BCL9: variants seen among roughly 807,000 people sequenced by gnomAD.
BCL9 encodes the protein BCL9 transcription coactivator.
BCL9 carries 25 observed loss-of-function variants against 88.5 expected under a neutral mutation model. The ratio of observed to expected loss-of-function variants is 0.28; its 90% CI spans 0.21 to 0.39. The LOEUF (loss-of-function observed/expected upper bound fraction) is 0.39, where lower values mean the gene tolerates loss of function less well. Ranked by LOEUF, BCL9 falls within the 10% of genes least tolerant of loss-of-function variation. The pLI is 1.00. For missense variants in BCL9, 1,817 were observed against 1,877.8 expected, an observed-to-expected ratio of 0.97 and a Z score of 0.60; for synonymous variants, 711 against 673.3, an observed-to-expected ratio of 1.06 and a Z score of -0.87.
At chr1:147,593,251 T>C (rs587726448) in intron 1 of BCL9, among the ~76,000 whole-genome samples, 1 of 152,336 alleles carries the variant, frequency 6.6e-6, no homozygotes, top group South Asian at 2.1e-4. Context: ...GTCTTCTCCC[T>C]CAAATAATGT....
intron 4 of BCL9, among the ~76,000 whole-genome samples, chr1:147,612,172 C>T (rs1553202701): frequency 1.3e-5 from 2 of 152,192 alleles, no homozygotes; most frequent in Non-Finnish European, 2.9e-5. Context: ...AGAGACCAAC[C>T]AGTACAGTTT....
At chr1:147,561,142 T>C (rs587602418) in intron 1 of BCL9, among the ~76,000 whole-genome samples, 1 of 152,358 alleles carries the variant, frequency 6.6e-6, no homozygotes, top group African/African-American at 2.4e-5. Flanking sequence ...TTAGTCTTTC[T>C]GGAATGCTAA....
intron 3 of BCL9, among the ~76,000 whole-genome samples, chr1:147,607,280 G>T (rs1657767051): frequency 6.6e-6 from 1 of 152,140 alleles, no homozygotes. Context: ...TGTAAATAAT[G>T]CTGCAGTGAA....
intron 1 of BCL9, among the ~76,000 whole-genome samples, chr1:147,567,440 C>A (rs1655658891): frequency 1.3e-5 from 2 of 152,114 alleles, no homozygotes; most frequent in African/African-American, 2.4e-5. Context: ...CCAAAATATT[C>A]TATTTGAGTC....
In BCL9 at chr1:147,619,991, C is replaced by T; in HGVS notation, c.1836C>T (p.Phe612=). ...ATTTTCCTCCTGGCCAGGGCATTTT[C>T]AGCGGTCCTGGCCGAGGGGAACGCT... ...GRNFPPGQGI[F]SGPGRGERFP... Residue 612 remains phenylalanine (F), a synonymous_variant, in exon 8 of 10, where the codon TTC becomes TTT. Coordinates refer to ENST00000234739, the MANE Select transcript of BCL9 (RefSeq NM_004326.4). The surrounding 1 kb of genome is among the most constrained non-coding windows in gnomAD (Gnocchi z 4.1). 8 of 1,614,080 alleles carry T rather than the reference C, an allele frequency of 5.0e-6. No individual in the cohort carries two copies. The highest frequency in any genetic ancestry group is 6.8e-6 in the Non-Finnish European group (8 of 1,179,912).
chr1:147,582,046 A>G (rs1207159610), intron 1 of BCL9, among the ~76,000 whole-genome samples: 2 of 151,880 alleles, frequency 1.3e-5, no homozygotes, highest in African/African-American at 4.8e-5. Flanking sequence ...TTCACATTTT[A>G]TTGCATTTTC....
At chr1:147,567,647 A>G (rs1458493411) in intron 1 of BCL9, among the ~76,000 whole-genome samples, 3 of 152,222 alleles carry the variant, frequency 2.0e-5, no homozygotes, top group Non-Finnish European at 4.4e-5. Context: ...CTGACCCTCA[A>G]TGAGAATAAT....
At chr1:147,558,435 G>A (rs1446800207) in intron 1 of BCL9, among the ~76,000 whole-genome samples, 1 of 152,148 alleles carries the variant, frequency 6.6e-6, no homozygotes, top group African/African-American at 2.4e-5. Flanking sequence ...GTCAATGGCT[G>A]CTATGGATTT....
At chr1:147,604,039 G>GTA (rs1657529729) in intron 1 of BCL9, among the ~76,000 whole-genome samples, 1 of 152,166 alleles carries the variant, frequency 6.6e-6, no homozygotes, top group African/African-American at 2.4e-5. Flanking sequence ...TTGAAGTAGT[G>GTA]TATATATTAT....
At chr1:147,552,934 A>T (rs782594031) in intron 1 of BCL9, among the ~76,000 whole-genome samples, 3 of 151,760 alleles carry the variant, frequency 2.0e-5, no homozygotes, top group Non-Finnish European at 2.9e-5. Context: ...TCATTTATTC[A>T]TCTACTCTTT....
intron 1 of BCL9, among the ~76,000 whole-genome samples, chr1:147,582,588 A>G (rs1049595946): frequency 6.6e-6 from 1 of 152,204 alleles, no homozygotes; most frequent in Non-Finnish European, 1.5e-5. Context: ...TGTACAGCCT[A>G]TGAGCTAAGA....
At chr1:147,590,729 A>G (rs781370958) in intron 1 of BCL9, among the ~76,000 whole-genome samples, 1 of 152,116 alleles carries the variant, frequency 6.6e-6, no homozygotes, top group African/African-American at 2.4e-5. Flanking sequence ...TAATTGTAGA[A>G]CCTTTCTTAT....
chr1:147,581,607 A>C (rs987952890), intron 1 of BCL9, among the ~76,000 whole-genome samples: 25 of 152,336 alleles, frequency 1.6e-4, no homozygotes, highest in Middle Eastern at 6.8e-3. Flanking sequence ...AAACCCTGTG[A>C]GTCCCCAAGC....
chr1:147,565,825 T>C (rs5005683), intron 1 of BCL9, among the ~76,000 whole-genome samples: 27,724 of 152,176 alleles, frequency 0.18, 6,848 homozygotes, highest in African/African-American at 0.56. Flanking sequence ...CAGTAGATAT[T>C]TGACATAGCT....
intron 1 of BCL9, among the ~76,000 whole-genome samples, chr1:147,600,965 A>T (rs782248099): frequency 5.3e-5 from 8 of 152,166 alleles, no homozygotes; most frequent in Non-Finnish European, 1.2e-4. Flanking sequence ...GATGTCACTG[A>T]TGAGTGTTGG....
chr1:147,620,118 A>G lies in BCL9; in HGVS notation c.1963A>G (p.Ser655Gly), dbSNP rs782639616. ...GATGGCCATGGAAGGCATCAGGCCC[A>G]GCATGGAGATGAACAGGATGATTCC... is the stretch of plus-strand genomic sequence containing the variant. ...PGMAMEGIRP[S>G]MEMNRMIPGS... The change falls in exon 8 of 10, where the codon AGC becomes GGC. Residue 655 changes from serine to glycine, a missense_variant. Physicochemically the swap from Ser to Gly is moderately conservative, Grantham distance 56. Transcript: ENST00000234739. 2.2e-5 allele frequency: 36 copies of G among 1,614,084 alleles called. No individual in the cohort carries two copies. Among genetic ancestry groups the G allele is most frequent in the Non-Finnish European group, 3.4e-6 (4 of 1,180,056 alleles).
intron 1 of BCL9, among the ~76,000 whole-genome samples, chr1:147,599,687 G>A (rs1481968885): frequency 6.6e-6 from 1 of 152,194 alleles, no homozygotes; most frequent in African/African-American, 2.4e-5. Flanking sequence ...CCCTCCAGCC[G>A]GGTGACGGTC....
chr1:147,623,972 G>A lies in BCL9; in HGVS notation c.3294G>A (p.Val1098=), dbSNP rs782452110. The A allele has an allele frequency of 6.2e-7, 1 of 1,614,178 alleles. No homozygotes were observed. Among genetic ancestry groups the A allele is most frequent in the South Asian group, 1.1e-5 (1 of 91,090 alleles). Residue 1098 remains valine, a synonymous_variant, in exon 10 of 10, where the codon GTG becomes GTA. Coordinates refer to ENST00000234739, the MANE Select transcript of BCL9 (RefSeq NM_004326.4). ...ATCAGATGCCCTCTCCAAATGCCGTGGGACCCAACATACCTCCTCATGGGG... is the reference window on the plus strand; with the variant it reads ...ATCAGATGCCCTCTCCAAATGCCGTAGGACCCAACATACCTCCTCATGGGG... ...HSNQMPSPNA[V]GPNIPPHGVP...
intron 1 of BCL9, among the ~76,000 whole-genome samples, chr1:147,555,672 AT>A (rs1348047309): frequency 6.6e-6 from 1 of 152,200 alleles, no homozygotes; most frequent in Non-Finnish European, 1.5e-5. Context: ...CGTTTCTTAC[AT>A]AAGTCACACC....
Sources: allele counts gnomAD v4.1 joint callset (sites outside exome capture counted in the v4.1 genomes callset), GRCh38; gene constraint gnomAD v4.1.1; non-coding constraint Gnocchi (gnomAD v3.1); transcripts MANE v1.5; gene names NCBI Gene and HGNC (gene_info 2026-07-23, HGNC 2026-07-21).